UTP18: variants seen among roughly 807,000 people sequenced by gnomAD.
The protein encoded by UTP18 is UTP18 small subunit processome component.
UTP18 carries 36 observed loss-of-function variants against 61.1 expected under a neutral mutation model. The observed-to-expected ratio is 0.59, with a 90% confidence interval of 0.45 to 0.78. The LOEUF is 0.78. Among genes scored for constraint, UTP18 ranks in the 30% least tolerant of loss-of-function variants. The pLI is 0.00. For synonymous variants in UTP18, 282 were observed against 251.1 expected (o/e 1.12, Z -1.16); for missense variants, 753 against 693.9 (o/e 1.09, Z -0.96).
chr17:51,262,638 C>T (rs960529915), intron 1 of UTP18, among the ~76,000 whole-genome samples: 4 of 152,124 alleles, frequency 2.6e-5, no homozygotes, highest in Admixed American at 2.6e-4. Context: ...GCTTCATCCT[C>T]CTAGGCTCAA....
chr17:51,269,294 C>CAAAAAAAAAAAA (rs58681434), intron 4 of UTP18, among the ~76,000 whole-genome samples: 3 of 66,664 alleles, frequency 4.5e-5, no homozygotes, highest in Non-Finnish European at 7.6e-5. Context: ...GACTCTGTCT[C>CAAAAAAAAAAAA]AAAAAAAAAA....
intron 3 of UTP18, 142 bp from the exon 4 acceptor site, chr17:51,268,695 C>G: frequency 3.0e-6 from 2 of 665,744 alleles, no homozygotes; most frequent in Non-Finnish European, 5.1e-6. Flanking sequence ...ATAATAACTT[C>G]TGTTCTTAAA....
At chr17:51,283,058 G>A (rs986137741) in intron 9 of UTP18, among the ~76,000 whole-genome samples, 1 of 151,652 alleles carries the variant, frequency 6.6e-6, no homozygotes, top group Non-Finnish European at 1.5e-5. Flanking sequence ...TAGTAGAGAC[G>A]GGGTTTTCTT....
At chr17:51,264,865 T>G (rs1011577293) in intron 2 of UTP18, among the ~76,000 whole-genome samples, 3 of 152,004 alleles carry the variant, frequency 2.0e-5, no homozygotes, top group African/African-American at 7.3e-5. Flanking sequence ...GTATTTTTAG[T>G]AGAGACGGGG....
chr17:51,262,274 C>G lies in UTP18; in HGVS notation c.343-1000C>G, dbSNP rs369533091. Among the ~76,000 whole-genome samples, 6 of 151,942 alleles carry G rather than the reference C, an allele frequency of 3.9e-5. No homozygotes were observed. In the South Asian group the frequency reaches 6.2e-4, roughly 16 times the overall value. ...TTTTTTTTTGTATCTTTAGTAGAAA[C>G]GGGGTTTCACCATCTTCGCCAGGCT... On this transcript the variant is annotated intron_variant, in intron 1 of 13. Coordinates refer to ENST00000225298, the MANE Select transcript of UTP18 (RefSeq NM_016001.3).
chr17:51,262,465 A>G (rs536433077), intron 1 of UTP18, among the ~76,000 whole-genome samples: 1 of 152,046 alleles, frequency 6.6e-6, no homozygotes, highest in Admixed American at 6.6e-5. Context: ...TTTATTTTTT[A>G]CTTATTTAGA....
intron 12 of UTP18, 106 bp downstream of exon 12, chr17:51,294,151 G>A (rs892502025): frequency 4.5e-6 from 4 of 887,154 alleles, no homozygotes; most frequent in Non-Finnish European, 6.1e-6. Flanking sequence ...ATTCTAGTCT[G>A]TTTATCTTGA....
intron 4 of UTP18, among the ~76,000 whole-genome samples, chr17:51,270,133 A>C (rs1333120033): frequency 6.6e-6 from 1 of 152,164 alleles, no homozygotes; most frequent in African/African-American, 2.4e-5. Context: ...TGCCTGGCCT[A>C]AATAATGTAC....
intron 2 of UTP18, among the ~76,000 whole-genome samples, chr17:51,263,682 T>C (rs1405411317): frequency 6.6e-6 from 1 of 152,198 alleles, no homozygotes; most frequent in East Asian, 1.9e-4. Flanking sequence ...TAATTGACCA[T>C]GGGCAGTTTG....
intron 5 of UTP18, among the ~76,000 whole-genome samples, chr17:51,273,771 A>AAATAAATAAATAAATAAATAAATT (rs1263393227): frequency 4.3e-4 from 64 of 150,526 alleles, no homozygotes; most frequent in Non-Finnish European, 7.5e-4. Context: ...ATAAATAAAT[A>AAATAAATAAATAAATAAATAAATT]AATTTTCCAG....
At position 51,285,279 on chromosome 17, in the gene UTP18, A is replaced by G. The variant is rs1218676136; in HGVS notation, c.1239A>G (p.Ser413=). The G allele has an allele frequency of 6.2e-7, 1 of 1,613,800 alleles. No individual in the cohort carries two copies. The highest frequency in any genetic ancestry group is 2.2e-5 in the East Asian group (1 of 44,850). The part of the protein sequence containing the change: ...DGEVYVWDVN[S]RKCLNRFVDE... ...AAGTTTATGTTTGGGATGTGAACTCAAGGAAGTGCCTTAACAGATTTGTTG... is the reference window on the plus strand; with the variant it reads ...AAGTTTATGTTTGGGATGTGAACTCGAGGAAGTGCCTTAACAGATTTGTTG... Residue 413 remains serine (S), a synonymous_variant, in exon 10 of 14, where the codon TCA becomes TCG. Coordinates refer to ENST00000225298, the MANE Select transcript of UTP18 (RefSeq NM_016001.3).
intron 1 of UTP18, among the ~76,000 whole-genome samples, chr17:51,261,283 AG>A (rs1233175719): frequency 6.6e-6 from 1 of 152,152 alleles, no homozygotes; most frequent in African/African-American, 2.4e-5. Context: ...CTTGTGATTC[AG>A]GAATTCGATT....
chr17:51,262,877 A>G (rs1044779589), intron 1 of UTP18, among the ~76,000 whole-genome samples: 1 of 152,184 alleles, frequency 6.6e-6, no homozygotes, highest in African/African-American at 2.4e-5. Context: ...TTAAGGAGGT[A>G]GGGGGTCAAA....
chr17:51,290,523 AG>A (rs1200599543), intron 11 of UTP18, among the ~76,000 whole-genome samples: 5 of 152,360 alleles, frequency 3.3e-5, no homozygotes, highest in African/African-American at 1.2e-4. Context: ...ATAAATGAGA[AG>A]GTTCTAATTC....
intron 11 of UTP18, among the ~76,000 whole-genome samples, chr17:51,289,300 G>A (rs1322470324): frequency 6.6e-6 from 1 of 151,008 alleles, no homozygotes; most frequent in Non-Finnish European, 1.5e-5. Context: ...GGGTTCAAGC[G>A]ATTCTTCTGC....
intron 9 of UTP18, among the ~76,000 whole-genome samples, chr17:51,281,750 A>T (rs1904934279): frequency 6.6e-6 from 1 of 152,208 alleles, no homozygotes; most frequent in Non-Finnish European, 1.5e-5. Flanking sequence ...TAAAGAGTAC[A>T]CTGTGTTTTC....
chr17:51,263,322 A>ATTG lies in UTP18; in HGVS notation c.391_392insTTG (p.Lys131delinsIleGlu). Reference sequence around the variant, plus strand: ...TGACTCAGAAGTGGAGAATGAAGCAAAAGGTAATTTTCCACCTCAAAAGAA... The same window carrying ATTG: ...TGACTCAGAAGTGGAGAATGAAGCAATTGAAGGTAATTTTCCACCTCAAAAGAA... On this transcript the variant is annotated protein_altering_variant, in exon 2 of 14. Transcript: ENST00000225298. The ATTG allele has an allele frequency of 1.2e-6, 2 of 1,614,232 alleles. No individual in the cohort carries two copies. The highest frequency in any genetic ancestry group is 1.7e-6 in the Non-Finnish European group (2 of 1,180,042).
Position 51,280,054 on chromosome 17 carries a change from C to G in UTP18, c.1062C>G (p.Ser354=), listed in dbSNP as rs1240785206. Residue 354 remains serine, a synonymous_variant, in exon 8 of 14, where the codon TCC becomes TCG. Transcript: ENST00000225298. The stretch of plus-strand genomic sequence containing the variant: ...GCTTTGAAGTCTCCCCAGATGGGTC[C>G]TTCTTGCTCATAAATGGCATTGCTG... ...VRSFEVSPDG[S]FLLINGIAGY... 2.5e-6 allele frequency: 4 copies of G among 1,613,978 alleles called. No individual in the cohort carries two copies. The Admixed American group carries it at 6.7e-5, about 27-fold the overall frequency.
Position 51,284,185 on chromosome 17 carries a change from T to C in UTP18, c.1205-1060T>C, listed in dbSNP as rs934195182. Among the ~76,000 whole-genome samples the C allele has an allele frequency of 3.9e-5, 6 of 152,284 alleles. No homozygotes were observed. The South Asian group carries it at 1.0e-3, about 26-fold the overall frequency. On this transcript the variant is annotated intron_variant, in intron 9 of 13. Coordinates refer to ENST00000225298, the MANE Select transcript of UTP18 (RefSeq NM_016001.3). Reference sequence around the variant, plus strand: ...CTGGAACATTTTATTTGTTAGGGAGTTGAAACTGAGATTCACTGAATTCTC... The same window carrying C: ...CTGGAACATTTTATTTGTTAGGGAGCTGAAACTGAGATTCACTGAATTCTC...
Sources: gnomAD v4.1 joint callset for allele counts (sites outside exome capture counted in the v4.1 genomes callset) on GRCh38, gnomAD v4.1.1 for gene constraint, MANE v1.5 for transcripts, NCBI Gene and HGNC (gene_info 2026-07-23, HGNC 2026-07-21) for gene names.